The following CALB2 variants were observed in gnomAD, a reference collection of about 807,000 sequenced individuals.
CALB2 encodes the protein calbindin 2.
Under a neutral mutation model 45.9 loss-of-function variants are expected in CALB2, and 34 were observed. The ratio of observed to expected loss-of-function variants is 0.74; its 90% CI spans 0.56 to 0.99. CALB2 has a LOEUF of 0.99. Ranked by LOEUF, CALB2 falls within the 50% of genes least tolerant of loss-of-function variation. The pLI, the probability that CALB2 is intolerant of heterozygous loss-of-function variation, is 0.00. For synonymous variants in CALB2, 142 were observed against 129.6 expected (o/e 1.10, Z -0.65); for missense variants, 344 against 339.3 (o/e 1.01, Z -0.11).
chr16:71,389,547 C>A (rs1203436702), intron 10 of CALB2: 1 of 728,162 alleles, frequency 1.4e-6, no homozygotes, highest in Non-Finnish European at 2.5e-6. Flanking sequence ...TTCCCCAAAG[C>A]AATGCAGCCA....
rs1368757264 is a variant in CALB2 at position 71,377,691 on chromosome 16, G to A, written c.286G>A (p.Glu96Lys). The A allele has an allele frequency of 8.7e-6, 14 of 1,613,924 alleles. No homozygotes were observed. The highest frequency in any genetic ancestry group is 1.2e-5 in the Non-Finnish European group (14 of 1,179,966). The change falls in exon 4 of 11, where the codon GAG (glutamate) becomes AAG (lysine). Residue 96 changes from glutamate (E) to lysine (K), a missense_variant. Physicochemically the swap from Glu to Lys is moderately conservative, Grantham distance 56 (BLOSUM62 1). This residue lies in a region of CALB2 where 263 missense variants were observed against 241.7 expected (regional missense o/e 1.09). Coordinates refer to ENST00000302628, the MANE Select transcript of CALB2 (RefSeq NM_001740.5). ...AELAQILPTEENFLLCFRQHV... is the reference protein window; with the variant it reads ...AELAQILPTEKNFLLCFRQHV... Reference sequence around the variant, plus strand: ...GCTGGCGCAGATCCTGCCAACCGAAGAGAACTTCCTTCTGTGCTTCAGGCA... The same window carrying A: ...GCTGGCGCAGATCCTGCCAACCGAAAAGAACTTCCTTCTGTGCTTCAGGCA...
In CALB2 at chr16:71,377,762, C is replaced by T. The variant is rs754822412; in HGVS notation, c.342+15C>T. 1.9e-6 allele frequency: 3 copies of T among 1,597,766 alleles called. No individual in the cohort carries two copies. The highest frequency in any genetic ancestry group is 2.6e-6 in the Non-Finnish European group (3 of 1,165,226). Reference sequence around the variant, plus strand: ...AGTTTATGGAGGTGAGGCCAAGGCACCACCTTCTTTCTAAGCACTGGGACC... The same window carrying T: ...AGTTTATGGAGGTGAGGCCAAGGCATCACCTTCTTTCTAAGCACTGGGACC... On this transcript the variant is annotated intron_variant, in intron 4 of 10. Transcript: ENST00000302628.
Position 71,372,192 on chromosome 16 carries a change from T to C in CALB2, c.134T>C (p.Phe45Ser). Residue 45 changes from phenylalanine to serine, a missense_variant, in exon 2 of 11, where the codon TTC becomes TCC. By Grantham distance (155) the Phe-to-Ser change is radical. Coordinates refer to ENST00000302628, the MANE Select transcript of CALB2 (RefSeq NM_001740.5). ...YIEGKELENF[F>S]QELEKARKGS... ...GAAGGTAAAGAGCTAGAAAACTTTT[T>C]CCAAGAGCTGGAGAAGGCAAGGAAA... The C allele has an allele frequency of 6.2e-7, 1 of 1,613,226 alleles. No individual in the cohort carries two copies. Among genetic ancestry groups the C allele is most frequent in the Non-Finnish European group, 8.5e-7 (1 of 1,179,526 alleles).
At position 71,382,713 on chromosome 16, in the gene CALB2, T is replaced by C. The variant is rs924651550; in HGVS notation, c.343-6T>C. 1 of 1,610,938 alleles carries C rather than the reference T, an allele frequency of 6.2e-7. No individual in the cohort carries two copies. Among genetic ancestry groups the C allele is most frequent in the African/African-American group, 1.3e-5 (1 of 74,774 alleles). ...TGCAAAGAGGTTGACATTCCTGTTG[T>C]TGCAGGCTTGGCGGAAGTACGACAC... On this transcript the variant is annotated splice_region_variant and splice_polypyrimidine_tract_variant and intron_variant, in intron 4 of 10. Transcript: ENST00000302628.
chr16:71,373,099 C>T (rs1002184056), intron 2 of CALB2, among the ~76,000 whole-genome samples: 1 of 152,146 alleles, frequency 6.6e-6, no homozygotes, highest in Non-Finnish European at 1.5e-5. Context: ...CTGCAAAGCT[C>T]AGGTGATTGG....
chr16:71,384,985 G>A (rs2042553753), intron 9 of CALB2, 149 bp downstream of exon 9: 4 of 716,080 alleles, frequency 5.6e-6, no homozygotes, highest in Non-Finnish European at 9.9e-6. Context: ...TGTATGAGAA[G>A]GCAAATGTCA....
chr16:71,377,908 A>G (rs541233818), intron 4 of CALB2, among the ~76,000 whole-genome samples, 161 bp downstream of exon 4: 3 of 152,286 alleles, frequency 2.0e-5, no homozygotes, highest in African/African-American at 7.2e-5. Context: ...CAGCATCAGT[A>G]TCACCTGGGT....
At chr16:71,377,603 A>C in intron 3 of CALB2, 64 bp from the exon 4 acceptor site, 2 of 1,175,642 alleles carry the variant, frequency 1.7e-6, no homozygotes, top group Non-Finnish European at 2.5e-6. Context: ...TCTTAGGGGA[A>C]AATCTGCTCT....
chr16:71,384,459 C>A, intron 8 of CALB2, 81 bp downstream of exon 8: 1 of 1,103,334 alleles, frequency 9.1e-7, no homozygotes, highest in Non-Finnish European at 1.4e-6. Flanking sequence ...CAACGCACCA[C>A]ACACAACACA....
intron 2 of CALB2, among the ~76,000 whole-genome samples, chr16:71,374,201 T>A (rs563035665): frequency 2.0e-5 from 3 of 152,354 alleles, no homozygotes; most frequent in African/African-American, 7.2e-5. Context: ...GTGGACTGTT[T>A]AAATTACCCT....
chr16:71,385,551 T>C, intron 9 of CALB2, 26 bp from the exon 10 acceptor site: 1 of 1,612,392 alleles, frequency 6.2e-7, no homozygotes, highest in Non-Finnish European at 8.5e-7. Context: ...TTTAGAGCTC[T>C]GGGTTGACTC....
intron 4 of CALB2, among the ~76,000 whole-genome samples, chr16:71,380,292 C>CTTTTTTTTTTTTTTTTTTTTT (rs544138378): frequency 2.3e-5 from 1 of 43,822 alleles, no homozygotes; most frequent in Non-Finnish European, 4.1e-5. Context: ...CCTTCCTTTT[C>CTTTTTTTTTTTTTTTTTTTTT]TTTTTTTTTT....
At chr16:71,375,387 G>A (rs1279332456) in intron 3 of CALB2, among the ~76,000 whole-genome samples, 1 of 152,010 alleles carries the variant, frequency 6.6e-6, no homozygotes, top group African/African-American at 2.4e-5. Flanking sequence ...AAACACCTCT[G>A]GTAATCAGTG....
At position 71,366,022 on chromosome 16, in the gene CALB2, C is replaced by CTTTTTTTTTTTTT. The variant is rs1447467571; in HGVS notation, c.95-6130_95-6129insTTTTTTTTTTTTT. ...TTTCTTTGTTTTCTTCCCTCTCTCT[C>CTTTTTTTTTTTTT]TCTTTTTTTTTTTTTTTTTTTTGAG... On this transcript the variant is annotated intron_variant, in intron 1 of 10. Coordinates refer to ENST00000302628, the MANE Select transcript of CALB2 (RefSeq NM_001740.5). Among the ~76,000 whole-genome samples, 319 of 50,448 alleles carry CTTTTTTTTTTTTT rather than the reference C, an allele frequency of 6.3e-3. 52 individuals carry two copies. The highest frequency in any genetic ancestry group is 7.6e-3 in the African/African-American group (76 of 9,946). The allele number at this position is 50,448 out of a possible 152,430, so 33.1% of individuals were successfully genotyped here.
At chr16:71,377,556 A>G (rs774761406) in intron 3 of CALB2, 111 bp from the exon 4 acceptor site, 152 of 697,924 alleles carry the variant, frequency 2.2e-4, no homozygotes, top group Non-Finnish European at 3.5e-4. Context: ...AGAAAACGCA[A>G]TTCCCACACT....
At chr16:71,372,289 C>T in intron 2 of CALB2, 60 bp downstream of exon 2, 1 of 1,237,926 alleles carries the variant, frequency 8.1e-7, no homozygotes, top group East Asian at 2.3e-5. Context: ...TTTGAGCATG[C>T]TGTGTCCCAG....
intron 2 of CALB2, among the ~76,000 whole-genome samples, chr16:71,373,833 TATAA>T (rs1255885575): frequency 6.6e-6 from 1 of 152,206 alleles, no homozygotes; most frequent in Non-Finnish European, 1.5e-5. Context: ...CCTTTGTAAA[TATAA>T]ATAAATACTG....
chr16:71,373,586 C>A (rs1210457433), intron 2 of CALB2, among the ~76,000 whole-genome samples: 3 of 152,208 alleles, frequency 2.0e-5, no homozygotes, highest in Non-Finnish European at 4.4e-5. Context: ...ACAATCCCAA[C>A]TGATGCCATC....
chr16:71,368,195 TCCAGTG>T (rs1407393534), intron 1 of CALB2, among the ~76,000 whole-genome samples: 1 of 152,158 alleles, frequency 6.6e-6, no homozygotes, highest in Non-Finnish European at 1.5e-5. Context: ...CCTTTGCACC[TCCAGTG>T]CCTGCACAAT....
Sources: gnomAD v4.1 joint callset for allele counts (sites outside exome capture counted in the v4.1 genomes callset) on GRCh38, gnomAD v4.1.1 for gene constraint, gnomAD v4.1.1 regional missense constraint, MANE v1.5 for transcripts, NCBI Gene and HGNC (gene_info 2026-07-23, HGNC 2026-07-21) for gene names.